The following ABCD3 variants were observed in gnomAD, a reference collection of about 807,000 sequenced individuals.
ABCD3 encodes ATP-binding cassette sub-family D member 3.
Under a neutral mutation model 105.5 loss-of-function variants are expected in ABCD3, and 41 were observed. The observed-to-expected ratio is 0.39, with a 90% CI of 0.30 to 0.50. The LOEUF (loss-of-function observed/expected upper bound fraction) is 0.50, where lower values mean the gene tolerates loss of function less well. ABCD3 is among the 20% of genes least tolerant of loss of function. The pLI is 0.84. For synonymous variants in ABCD3, 258 were observed against 269.0 expected (o/e 0.96, Z 0.40); for missense variants, 622 against 806.3 (o/e 0.77, Z 2.77).
At chr1:94,478,116 C>T (rs1648850912) in intron 7 of ABCD3, 143 bp from the exon 8 acceptor site, 2 of 596,368 alleles carry the variant, frequency 3.4e-6, no homozygotes, top group Non-Finnish European at 6.0e-6. Flanking sequence ...CTTACTATCA[C>T]AGTACATTGT....
rs187946213 is a variant in ABCD3 at position 94,448,592 on chromosome 1, A to G, written c.111-10015A>G. Among the ~76,000 whole-genome samples the G allele has an allele frequency of 4.6e-5, 7 of 152,368 alleles. No homozygotes were observed. In the East Asian group the frequency reaches 1.3e-3, roughly 29 times the overall value. On this transcript the variant is annotated intron_variant, in intron 1 of 22. Coordinates refer to ENST00000370214, the MANE Select transcript of ABCD3 (RefSeq NM_002858.4). ...TTGACTGCTTTTAATATGCCTATTA[A>G]TGTGATTTCTGATTCTTCATATGTG... is the stretch of plus-strand genomic sequence containing the variant.
Position 94,483,155 on chromosome 1 carries a change from TA to T in ABCD3, c.828-14del, listed in dbSNP as rs1199238048. Reference sequence around the variant, plus strand: ...GTAACATTAAAATTAATTGCTAAATTATTTTCTTTAATAGTGAAGAAATTGC... The same window carrying T: ...GTAACATTAAAATTAATTGCTAAATTTTTTCTTTAATAGTGAAGAAATTGC... On this transcript the variant is annotated splice_polypyrimidine_tract_variant and intron_variant, in intron 9 of 22. Coordinates refer to ENST00000370214, the MANE Select transcript of ABCD3 (RefSeq NM_002858.4). 1 of 1,525,966 alleles carries T rather than the reference TA, an allele frequency of 6.6e-7. No individual in the cohort carries two copies. Among genetic ancestry groups the T allele is most frequent in the East Asian group, 2.3e-5 (1 of 44,276 alleles). 94.5% of individuals were successfully genotyped at this position (1,525,966 alleles called of 1,614,324 possible).
intron 20 of ABCD3, among the ~76,000 whole-genome samples, chr1:94,503,512 C>G (rs1650205212): frequency 6.6e-6 from 1 of 152,100 alleles, no homozygotes; most frequent in African/African-American, 2.4e-5. Flanking sequence ...CTCCCGCAGC[C>G]CCCACCTACA....
intron 16 of ABCD3, among the ~76,000 whole-genome samples, chr1:94,497,747 A>G (rs952829753): frequency 6.6e-5 from 10 of 152,354 alleles, no homozygotes; most frequent in Non-Finnish European, 1.0e-4. Context: ...TCATTGCAAT[A>G]TTATCTAGAA....
upstream of ABCD3, among the ~76,000 whole-genome samples, chr1:94,417,935 C>T (rs1659084029): frequency 6.6e-6 from 1 of 152,158 alleles, no homozygotes; most frequent in African/African-American, 2.4e-5. Flanking sequence ...TGTTTGGTTT[C>T]GTCCTGATAA....
chr1:94,494,660 A>AT (rs1483002233), intron 16 of ABCD3, among the ~76,000 whole-genome samples: 1 of 152,170 alleles, frequency 6.6e-6, no homozygotes, highest in Non-Finnish European at 1.5e-5. Flanking sequence ...TTTGGGTTAC[A>AT]TTTGTAACCA....
intron 16 of ABCD3, among the ~76,000 whole-genome samples, chr1:94,494,228 C>G (rs907118164): frequency 6.6e-6 from 1 of 152,048 alleles, no homozygotes; most frequent in African/African-American, 2.4e-5. Flanking sequence ...AATTCTTTCT[C>G]TTTTTTGGGT....
chr1:94,419,327 AGGATCAAGCTCCTTTTT>A, intron 1 of ABCD3: 1 of 985,382 alleles, frequency 1.0e-6, no homozygotes, highest in Non-Finnish European at 1.2e-6. Flanking sequence ...GGTTTAGGTG[AGGATCAAGCTCCTTTTT>A]AATGACACGC....
chr1:94,416,370 T>G (rs1457377460), upstream of ABCD3, among the ~76,000 whole-genome samples: 1 of 152,236 alleles, frequency 6.6e-6, no homozygotes, highest in Non-Finnish European at 1.5e-5. Flanking sequence ...TCATAGCACC[T>G]TGTTCATATC....
At chr1:94,395,268 C>T in the ABCD3 span, among the ~76,000 whole-genome samples, 1 of 152,110 alleles carries the variant, frequency 6.6e-6, no homozygotes, top group African/African-American at 2.4e-5. Context: ...GAAAGAGAAC[C>T]ATGAAAGGGG....
chr1:94,510,873 G>A (rs1430468056), intron 21 of ABCD3, among the ~76,000 whole-genome samples: 1 of 151,804 alleles, frequency 6.6e-6, no homozygotes, highest in Non-Finnish European at 1.5e-5. Context: ...TTTATTTTGA[G>A]CCTATGTGTG....
intron 9 of ABCD3, chr1:94,482,869 A>G: frequency 2.7e-6 from 1 of 363,962 alleles, no homozygotes; most frequent in South Asian, 3.0e-5. Context: ...CATCACAGCA[A>G]CTTCTTTCTC....
rs996468975 is a variant in ABCD3, at chr1:94,468,496, T to C, written c.335+489T>C. ...TTATATTTTTTCATTATAGTCTTTC[T>C]ACATATTATTAATCACTGCAATTGC... On this transcript the variant is annotated intron_variant, in intron 4 of 22. Transcript: ENST00000370214. Among the ~76,000 whole-genome samples the C allele has an allele frequency of 2.0e-5, 3 of 152,240 alleles. No individual in the cohort carries two copies. In the East Asian group the frequency reaches 5.8e-4, roughly 29 times the overall value.
chr1:94,490,120 T>C (rs1386579163), intron 15 of ABCD3, 145 bp downstream of exon 15: 42 of 693,002 alleles, frequency 6.1e-5, no homozygotes, highest in Non-Finnish European at 2.5e-6. Flanking sequence ...GACCTAAAAA[T>C]TGTGTATATT....
At chr1:94,486,276 G>A (rs1311789842) in intron 10 of ABCD3, among the ~76,000 whole-genome samples, 3 of 152,150 alleles carry the variant, frequency 2.0e-5, no homozygotes, top group Non-Finnish European at 2.9e-5. Flanking sequence ...GAGCATCCAT[G>A]GATTTTGGTA....
chr1:94,425,600 CTG>C (rs1446961915), intron 1 of ABCD3, among the ~76,000 whole-genome samples: 2 of 152,172 alleles, frequency 1.3e-5, no homozygotes, highest in Admixed American at 6.5e-5. Context: ...TTTGTGGAAA[CTG>C]TGGGCATTCT....
chr1:94,428,440 T>A (rs1405711154), intron 1 of ABCD3, among the ~76,000 whole-genome samples: 1 of 152,238 alleles, frequency 6.6e-6, no homozygotes, highest in Non-Finnish European at 1.5e-5. Flanking sequence ...AGTCAACATG[T>A]TATGTTTATA....
At chr1:94,484,804 A>G (rs1557682231) in intron 10 of ABCD3, among the ~76,000 whole-genome samples, 1 of 152,200 alleles carries the variant, frequency 6.6e-6, no homozygotes, top group Non-Finnish European at 1.5e-5. Flanking sequence ...TAAAAAAAAA[A>G]TTAAGTGTAT....
At chr1:94,458,874 C>T (rs1408220045) in intron 2 of ABCD3, among the ~76,000 whole-genome samples, 1 of 147,492 alleles carries the variant, frequency 6.8e-6, no homozygotes, top group East Asian at 2.1e-4. Flanking sequence ...ATTAGTTTCC[C>T]CCCCTCTTCT....
Sources: gnomAD v4.1 joint callset for allele counts (sites outside exome capture counted in the v4.1 genomes callset) on GRCh38, gnomAD v4.1.1 for gene constraint, MANE v1.5 for transcripts, NCBI Gene and HGNC (gene_info 2026-07-23, HGNC 2026-07-21) for gene names.